ENPP3: variants seen among roughly 807,000 people sequenced by gnomAD.
ENPP3 encodes ectonucleotide pyrophosphatase/phosphodiesterase family member 3.
Under a neutral mutation model 117.8 loss-of-function variants are expected in ENPP3, and 104 were observed. The observed-to-expected ratio is 0.88, with a 90% confidence interval of 0.75 to 1.04. The LOEUF (loss-of-function observed/expected upper bound fraction) is 1.04. Among genes scored for constraint, ENPP3 ranks in the 50% least tolerant of loss-of-function variants. ENPP3 has a pLI of 0.00. For synonymous variants in ENPP3, 380 were observed against 349.9 expected, an observed-to-expected ratio of 1.09 and a Z score of -0.96; for missense variants, 1,026 against 1,051.9, an observed-to-expected ratio of 0.98 and a Z score of 0.34.
At chr6:131,638,936 A>G (rs958795709) in intron 1 of ENPP3, among the ~76,000 whole-genome samples, 1 of 151,494 alleles carries the variant, frequency 6.6e-6, no homozygotes, top group Non-Finnish European at 1.5e-5. Flanking sequence ...GCTGGGGACT[A>G]TGTGTGTGCC....
rs776633934 is a variant in ENPP3, at chr6:131,671,235, T to C, written c.563-13T>C. On this transcript the variant is annotated splice_polypyrimidine_tract_variant and intron_variant, in intron 6 of 24. Coordinates refer to ENST00000357639, the MANE Select transcript of ENPP3 (RefSeq NM_005021.5). ...GAAACAACTTCCTAATTTCTCACCA[T>C]ATTCTGTTGCAGAAACATGTGGAAT... 5 of 1,506,128 alleles carry C rather than the reference T, an allele frequency of 3.3e-6. No homozygotes were observed. The South Asian group carries it at 4.5e-5, about 14-fold the overall frequency. 93.3% of individuals were successfully genotyped at this position (1,506,128 alleles called of 1,614,324 possible). A position where few individuals can be genotyped will look rare whatever the true frequency, so the allele number is the denominator to read the frequency against.
At chr6:131,739,454 C>T (rs185537178) in intron 23 of ENPP3, among the ~76,000 whole-genome samples, 2 of 152,226 alleles carry the variant, frequency 1.3e-5, no homozygotes, top group African/African-American at 2.4e-5. Flanking sequence ...AATGAAAGTC[C>T]AAACATTTTG....
At chr6:131,696,874 A>G (rs1016714904) in intron 15 of ENPP3, among the ~76,000 whole-genome samples, 41 of 146,044 alleles carry the variant, frequency 2.8e-4, no homozygotes, top group African/African-American at 1.1e-3. Context: ...GGTTCATGCC[A>G]TTCTCCTGCC....
rs527567013 is a variant in ENPP3, at chr6:131,747,392, T to C, written c.*436T>C. Reference sequence around the variant, plus strand: ...TTTTGTATTTGACTGGCAATGCTGATTAAAATTAAAAATGCACAGAACTTT... The same window carrying C: ...TTTTGTATTTGACTGGCAATGCTGACTAAAATTAAAAATGCACAGAACTTT... On this transcript the variant is annotated 3_prime_UTR_variant, in exon 25 of 25. Transcript: ENST00000357639. The C allele has an allele frequency of 6.6e-6, 1 of 152,468 alleles. No individual in the cohort carries two copies. The highest frequency in any genetic ancestry group is 1.9e-4 in the East Asian group (1 of 5,194). The allele number at this position is 152,468 out of a possible 1,614,324, so 9.4% of individuals were successfully genotyped here.
Position 131,675,200 on chromosome 6 carries a change from A to G in ENPP3, c.872+11A>G, listed in dbSNP as rs767322300. The G allele has an allele frequency of 1.4e-6, 2 of 1,380,120 alleles. No individual in the cohort carries two copies. Among genetic ancestry groups the G allele is most frequent in the Admixed American group, 1.7e-5 (1 of 59,516 alleles). 85.5% of individuals were successfully genotyped at this position (1,380,120 alleles called of 1,614,324 possible). A position where few individuals can be genotyped will look rare whatever the true frequency, so the allele number is the denominator to read the frequency against. ...CATGCCTTACAACGGGTAGTGAAGCACTTTCAGATATTCTCCCAGCTAGGC... is the reference window on the plus strand; with the variant it reads ...CATGCCTTACAACGGGTAGTGAAGCGCTTTCAGATATTCTCCCAGCTAGGC... On this transcript the variant is annotated intron_variant, in intron 9 of 24. Transcript: ENST00000357639.
intron 5 of ENPP3, 88 bp downstream of exon 5, chr6:131,652,979 C>T: frequency 1.2e-6 from 1 of 861,486 alleles, no homozygotes; most frequent in Non-Finnish European, 1.9e-6. Flanking sequence ...AGAGGAATTT[C>T]CCCCAATTCA....
intron 6 of ENPP3, among the ~76,000 whole-genome samples, chr6:131,666,815 CA>C (rs1456180092): frequency 6.6e-6 from 1 of 152,210 alleles, no homozygotes; most frequent in Non-Finnish European, 1.5e-5. Context: ...GCACGTTGGA[CA>C]AAACAGTCAC....
chr6:131,721,911 G>A (rs1780041156), intron 17 of ENPP3, among the ~76,000 whole-genome samples: 1 of 152,138 alleles, frequency 6.6e-6, no homozygotes, highest in Admixed American at 6.5e-5. Context: ...TGTTTCAAGA[G>A]ATGGAGTTTC....
At chr6:131,723,827 T>TCACACACACACACA (rs1554268188) in intron 18 of ENPP3, among the ~76,000 whole-genome samples, 1 of 145,850 alleles carries the variant, frequency 6.9e-6, no homozygotes, top group Non-Finnish European at 1.5e-5. Flanking sequence ...TCTCTCTCTC[T>TCACACACACACACA]CACACACACA....
rs771926925 is a variant in ENPP3, at chr6:131,700,682, G to A, written c.1412+7058G>A. ...GTCCAATCACACAGAGGTGGGAGAAGCAGGTGCGGAAGGCTTTCCTCTGAA... is the reference window on the plus strand; with the variant it reads ...GTCCAATCACACAGAGGTGGGAGAAACAGGTGCGGAAGGCTTTCCTCTGAA... On this transcript the variant is annotated intron_variant, in intron 15 of 24. Transcript: ENST00000357639. 21 of 1,559,678 alleles carry A rather than the reference G, an allele frequency of 1.3e-5. 4 individuals carry two copies. The highest frequency in any genetic ancestry group is 1.3e-5 in the Non-Finnish European group (15 of 1,166,218).
rs1778128713 is a variant in ENPP3 at position 131,645,115 on chromosome 6, G to A, written c.154+3585G>A. ...GTACCCAACTTGCCAACCAACCTAT[G>A]CCCTCTCTTGGTGCTGAGCACCCAA... On this transcript the variant is annotated intron_variant, in intron 2 of 24. Coordinates refer to ENST00000357639, the MANE Select transcript of ENPP3 (RefSeq NM_005021.5). Among the ~76,000 whole-genome samples the A allele has an allele frequency of 1.3e-5, 2 of 152,168 alleles. 1 individual carries two copies. Among genetic ancestry groups the A allele is most frequent in the South Asian group, 4.1e-4 (2 of 4,832 alleles).
Position 131,693,589 on chromosome 6 carries a change from T to C in ENPP3, c.1377T>C (p.Val459=). The change falls in exon 15 of 25, where the codon GTT becomes GTC. Residue 459 remains valine, a synonymous_variant. Coordinates refer to ENST00000357639, the MANE Select transcript of ENPP3 (RefSeq NM_005021.5). ...HYAKNVRIDK[V]HLFVDQQWLA... is the part of the protein sequence containing the mutation. Reference sequence around the variant, plus strand: ...CCAAGAACGTCAGAATCGACAAAGTTCATCTCTTTGTGGATCAACAGTGGC... The same window carrying C: ...CCAAGAACGTCAGAATCGACAAAGTCCATCTCTTTGTGGATCAACAGTGGC... 6.2e-7 allele frequency: 1 copy of C among 1,613,882 alleles called. No individual in the cohort carries two copies. The highest frequency in any genetic ancestry group is 1.1e-5 in the South Asian group (1 of 91,024).
In ENPP3 at chr6:131,658,381, T is replaced by C; in HGVS notation, c.523T>C (p.Tyr175His). 6.2e-7 allele frequency: 1 copy of C among 1,603,880 alleles called. No individual in the cohort carries two copies. Among genetic ancestry groups the C allele is most frequent in the Non-Finnish European group, 8.5e-7 (1 of 1,170,832 alleles). Residue 175 changes from tyrosine to histidine, a missense_variant, in exon 6 of 25, where the codon TAC becomes CAC. Transcript: ENST00000357639. ...GGATGGATTTAGAGCTGAATATTTA[T>C]ACACATGGGATACTTTAATGCCAAA... Reference protein sequence around the residue: ...SMDGFRAEYLYTWDTLMPNIN... With the variant: ...SMDGFRAEYLHTWDTLMPNIN...
In ENPP3 at chr6:131,685,507, G is replaced by C. The variant is rs1327834343; in HGVS notation, c.1252+12G>C. 6.2e-7 allele frequency: 1 copy of C among 1,611,298 alleles called. No homozygotes were observed. The highest frequency in any genetic ancestry group is 8.5e-7 in the Non-Finnish European group (1 of 1,179,070). ...TGACTTTTTTAGTTGTAAGTATGAA[G>C]ACACCTATATGAAAAAAAGGGTAAA... On this transcript the variant is annotated intron_variant, in intron 13 of 24. Coordinates refer to ENST00000357639, the MANE Select transcript of ENPP3 (RefSeq NM_005021.5).
At chr6:131,734,171 A>G (rs2114562267) in intron 21 of ENPP3, among the ~76,000 whole-genome samples, 1 of 152,300 alleles carries the variant, frequency 6.6e-6, no homozygotes, top group South Asian at 2.1e-4. Flanking sequence ...AAAATAAAAT[A>G]AAATAAAAAA....
chr6:131,639,895 G>A (rs973815734), intron 1 of ENPP3, among the ~76,000 whole-genome samples: 1 of 152,120 alleles, frequency 6.6e-6, no homozygotes, highest in Non-Finnish European at 1.5e-5. Context: ...AGGAGGCCGA[G>A]ATAAGAGGAG....
chr6:131,715,203 GC>G (rs1779862890), intron 15 of ENPP3, among the ~76,000 whole-genome samples: 1 of 151,738 alleles, frequency 6.6e-6, no homozygotes, highest in Non-Finnish European at 1.5e-5. Flanking sequence ...GAGACTTTTA[GC>G]CAGCGCCAGC....
rs757468012 is a variant in ENPP3, at chr6:131,700,664, C to A, written c.1412+7040C>A. 7 of 1,559,090 alleles carry A rather than the reference C, an allele frequency of 4.5e-6. 1 individual carries two copies. The highest frequency in any genetic ancestry group is 6.0e-6 in the Non-Finnish European group (7 of 1,166,134). ...TGGCTGTGCCATAAACGAGTCCAAT[C>A]ACACAGAGGTGGGAGAAGCAGGTGC... On this transcript the variant is annotated intron_variant, in intron 15 of 24. Transcript: ENST00000357639.
chr6:131,693,475 G>T (rs1182336270), intron 14 of ENPP3, 22 bp from the exon 15 acceptor site: 1 of 1,601,588 alleles, frequency 6.2e-7, no homozygotes, highest in South Asian at 1.1e-5. Context: ...GTATCATAAA[G>T]AAATATTTAC....
Sources: gnomAD v4.1 joint callset for allele counts (sites outside exome capture counted in the v4.1 genomes callset) on GRCh38, gnomAD v4.1.1 for gene constraint, MANE v1.5 for transcripts, NCBI Gene and HGNC (gene_info 2026-07-23, HGNC 2026-07-21) for gene names.